RPTOR: variants seen among roughly 807,000 people sequenced by gnomAD.
RPTOR encodes the protein regulatory associated protein of MTOR complex 1.
In RPTOR, 21 loss-of-function variants were observed where a neutral mutation model predicts 169.9. That is an observed-to-expected ratio of 0.12 (90% CI 0.09 to 0.18). The LOEUF is 0.18. Among genes scored for constraint, RPTOR ranks in the 10% least tolerant of loss-of-function variants. The probability of loss-of-function intolerance (pLI) is 1.00; values close to 1 mark genes in which losing one functional copy is unlikely to be tolerated. For synonymous variants in RPTOR, 732 were observed against 753.2 expected (o/e 0.97, Z 0.46); for missense variants, 1,133 against 1,855.9 (o/e 0.61, Z 7.16).
intron 1 of RPTOR, among the ~76,000 whole-genome samples, chr17:80,557,688 G>T (rs528226210): frequency 1.3e-5 from 2 of 152,288 alleles, no homozygotes; most frequent in South Asian, 2.1e-4. Context: ...ACTTTGGGAG[G>T]CTAAGGAGGG....
chr17:80,637,424 C>T (rs2065516630), intron 2 of RPTOR, among the ~76,000 whole-genome samples: 1 of 152,234 alleles, frequency 6.6e-6, no homozygotes, highest in Admixed American at 6.5e-5. Flanking sequence ...TGCTGACGGC[C>T]AAGACCTCTT....
intron 17 of RPTOR, among the ~76,000 whole-genome samples, 192 bp downstream of exon 17, chr17:80,885,340 T>C (rs1158769303): frequency 1.3e-5 from 2 of 152,190 alleles, no homozygotes; most frequent in South Asian, 2.1e-4. Flanking sequence ...TGGGTTTGCT[T>C]CATTTAAAGG....
chr17:80,817,538 G>A (rs149898106), intron 7 of RPTOR, among the ~76,000 whole-genome samples: 2 of 152,130 alleles, frequency 1.3e-5, no homozygotes, highest in African/African-American at 2.4e-5. Context: ...TGAGTGAACC[G>A]GGGAGGGACA....
At chr17:80,857,218 A>G (rs2067862218) in intron 12 of RPTOR, among the ~76,000 whole-genome samples, 1 of 152,226 alleles carries the variant, frequency 6.6e-6, no homozygotes. Flanking sequence ...TGACATGGCC[A>G]GAACTGGGCG....
At position 80,841,665 on chromosome 17, in the gene RPTOR, C is replaced by T. The variant is rs561597425; in HGVS notation, c.1212+3668C>T. Among the ~76,000 whole-genome samples the T allele has an allele frequency of 1.5e-4, 21 of 135,622 alleles. 1 individual carries two copies. The highest frequency in any genetic ancestry group is 3.3e-4 in the African/African-American group (11 of 33,760). The allele number at this position is 135,622 out of a possible 152,430, so 89.0% of individuals were successfully genotyped here. A position where few individuals can be genotyped will look rare whatever the true frequency, so the allele number is the denominator to read the frequency against. ...ACCACACGGCAGCTCACTCTCACCG[C>T]GCCGCAGCTCACACTCACCGCACGG... is the stretch of plus-strand genomic sequence containing the variant. On this transcript the variant is annotated intron_variant, in intron 10 of 33. Transcript: ENST00000306801.
chr17:80,816,636 A>G (rs969218124), intron 7 of RPTOR, among the ~76,000 whole-genome samples: 1 of 152,162 alleles, frequency 6.6e-6, no homozygotes, highest in Non-Finnish European at 1.5e-5. Context: ...GGGGAGAGAC[A>G]GTCAGGATTT....
chr17:80,684,389 A>T (rs896013220), intron 3 of RPTOR, among the ~76,000 whole-genome samples: 27 of 148,938 alleles, frequency 1.8e-4, no homozygotes, highest in Non-Finnish European at 2.8e-4. Context: ...TTTTTTTTTA[A>T]ATAAGGAGAT....
chr17:80,806,781 G>A (rs530608740), intron 7 of RPTOR, among the ~76,000 whole-genome samples: 12 of 152,056 alleles, frequency 7.9e-5, no homozygotes, highest in African/African-American at 2.2e-4. Flanking sequence ...TTGCTTATAC[G>A]TATATCTTTT....
intron 11 of RPTOR, among the ~76,000 whole-genome samples, chr17:80,852,394 T>C (rs1029337983): frequency 3.9e-5 from 6 of 152,106 alleles, no homozygotes; most frequent in African/African-American, 1.2e-4. Context: ...CAGGCAGCAG[T>C]GGCATGCGAC....
chr17:80,840,105 G>A (rs751891148), intron 10 of RPTOR, among the ~76,000 whole-genome samples: 44 of 152,100 alleles, frequency 2.9e-4, no homozygotes, highest in Non-Finnish European at 1.8e-4. Context: ...GCACATACTC[G>A]TGTAATCACA....
chr17:80,666,654 C>T (rs1382136435), intron 3 of RPTOR, among the ~76,000 whole-genome samples: 1 of 152,200 alleles, frequency 6.6e-6, no homozygotes, highest in Non-Finnish European at 1.5e-5. Flanking sequence ...ATCATTCATT[C>T]ATTCATTCAG....
At chr17:80,826,909 T>A (rs2067450470) in intron 9 of RPTOR, among the ~76,000 whole-genome samples, 1 of 152,238 alleles carries the variant, frequency 6.6e-6, no homozygotes, top group South Asian at 2.1e-4. Context: ...GCGCTTGAAT[T>A]TTTTTCCTTT....
chr17:80,614,635 A>G (rs549096214), intron 1 of RPTOR, among the ~76,000 whole-genome samples: 1 of 152,372 alleles, frequency 6.6e-6, no homozygotes, highest in Admixed American at 6.5e-5. Flanking sequence ...ATTTCGGGCA[A>G]TTAGAATTGC....
chr17:80,654,772 A>G (rs571861667), intron 3 of RPTOR, among the ~76,000 whole-genome samples: 2 of 152,222 alleles, frequency 1.3e-5, no homozygotes, highest in Non-Finnish European at 2.9e-5. Flanking sequence ...ATCCAAGAAG[A>G]AGGCACAGAT....
intron 7 of RPTOR, among the ~76,000 whole-genome samples, chr17:80,796,602 G>C (rs957004314): frequency 6.6e-6 from 1 of 152,176 alleles, no homozygotes; most frequent in Non-Finnish European, 1.5e-5. Context: ...CTCAACACAT[G>C]GGTATTAGAG....
chr17:80,825,313 G>A (rs539642001), intron 9 of RPTOR, among the ~76,000 whole-genome samples: 8 of 97,868 alleles, frequency 8.2e-5, no homozygotes, highest in Admixed American at 3.0e-4. Flanking sequence ...TGGCGAGTTC[G>A]GCACAGGGCA....
intron 2 of RPTOR, among the ~76,000 whole-genome samples, chr17:80,639,856 G>A (rs566094271): frequency 6.6e-6 from 1 of 152,310 alleles, no homozygotes; most frequent in Non-Finnish European, 1.5e-5. Flanking sequence ...TGGGTACATA[G>A]GAAGAAGATG....
At chr17:80,862,103 G>A (rs1010919036) in intron 13 of RPTOR, among the ~76,000 whole-genome samples, 6 of 152,160 alleles carry the variant, frequency 3.9e-5, no homozygotes, top group Non-Finnish European at 8.8e-5. Context: ...TATTCATGCT[G>A]CTGAAGGGGT....
chr17:80,644,222 C>G (rs966364885), intron 3 of RPTOR, among the ~76,000 whole-genome samples: 1 of 150,440 alleles, frequency 6.6e-6, no homozygotes, highest in African/African-American at 2.4e-5. Context: ...ACCCAACAGT[C>G]AAAAGATAAC....
Sources: allele counts gnomAD v4.1 joint callset (sites outside exome capture counted in the v4.1 genomes callset), GRCh38; gene constraint gnomAD v4.1.1; transcripts MANE v1.5; gene names NCBI Gene and HGNC (gene_info 2026-07-23, HGNC 2026-07-21).